The following ZNF701 variants were observed in gnomAD, a reference collection of about 807,000 sequenced individuals.
The protein encoded by ZNF701 is zinc finger protein 701.
In ZNF701, 6 loss-of-function variants were observed where a neutral mutation model predicts 7.1. The ratio of observed to expected loss-of-function variants is 0.84; its 90% CI spans 0.46 to 1.66. ZNF701 has a LOEUF of 1.66. Ranked by LOEUF, ZNF701 falls within the 40% of genes most tolerant of loss-of-function variation. The pLI is 0.01. For missense variants in ZNF701, 541 were observed against 559.2 expected, an observed-to-expected ratio of 0.97 and a Z score of 0.33; for synonymous variants, 166 against 188.2, an observed-to-expected ratio of 0.88 and a Z score of 0.97.
chr19:52,574,693 A>G (rs1275152674), intron 2 of ZNF701, among the ~76,000 whole-genome samples: 1 of 152,230 alleles, frequency 6.6e-6, no homozygotes, highest in Non-Finnish European at 1.5e-5. Flanking sequence ...ATAAACAGAC[A>G]TGAATGATAC....
At position 52,579,479 on chromosome 19, in the gene ZNF701, C is replaced by A. The variant is rs1048070596; in HGVS notation, c.143-2723C>A. Among the ~76,000 whole-genome samples the A allele has an allele frequency of 3.1e-5, 4 of 127,988 alleles. 1 individual carries two copies. The highest frequency in any genetic ancestry group is 1.5e-4 in the African/African-American group (4 of 26,046). 84.0% of individuals were successfully genotyped at this position (127,988 alleles called of 152,430 possible). On this transcript the variant is annotated intron_variant, in intron 3 of 3. Coordinates refer to ENST00000391785, the MANE Select transcript of ZNF701 (RefSeq NM_018260.3). The stretch of plus-strand genomic sequence containing the variant: ...GGGTTGCAGTGATCCGAGATTGTGC[C>A]ATTGCACTCCAGCCTGGGCAACGAG...
intron 3 of ZNF701, among the ~76,000 whole-genome samples, chr19:52,578,940 A>G (rs973646671): frequency 1.3e-5 from 2 of 150,334 alleles, no homozygotes; most frequent in African/African-American, 5.0e-5. Context: ...TTGTATTTTT[A>G]TTAGAGACAG....
At chr19:52,598,287 G>T in the ZNF701 span, among the ~76,000 whole-genome samples, 2 of 152,316 alleles carry the variant, frequency 1.3e-5, no homozygotes, top group East Asian at 3.9e-4. Flanking sequence ...ACAACATATT[G>T]TGTTGGGCCA....
chr19:52,596,847 A>T, the ZNF701 span: 2 of 547,474 alleles, frequency 3.7e-6, no homozygotes, highest in African/African-American at 3.8e-5. Context: ...CATAGACTTC[A>T]TACTGTCTAA....
intron 3 of ZNF701, among the ~76,000 whole-genome samples, chr19:52,580,223 G>A (rs773942599): frequency 2.7e-5 from 4 of 150,632 alleles, no homozygotes; most frequent in South Asian, 4.2e-4. Context: ...GATTACAGGC[G>A]TGAGCCACCG....
At chr19:52,573,620 C>G (rs1006328261) in intron 1 of ZNF701, among the ~76,000 whole-genome samples, 2 of 152,082 alleles carry the variant, frequency 1.3e-5, no homozygotes, top group Non-Finnish European at 2.9e-5. Flanking sequence ...CTGATCCTCC[C>G]CCTCAGCTTC....
At chr19:52,596,383 C>T in the ZNF701 span, 3 of 394,684 alleles carry the variant, frequency 7.6e-6, no homozygotes, top group Admixed American at 3.4e-5. Flanking sequence ...GTGAAGAATG[C>T]AACAAAGTTT....
chr19:52,599,712 G>A, the ZNF701 span, among the ~76,000 whole-genome samples: 2 of 152,114 alleles, frequency 1.3e-5, no homozygotes, highest in Admixed American at 6.5e-5. Flanking sequence ...ATGTTTCCAC[G>A]TGGCTATTTC....
In ZNF701 at chr19:52,582,549, G is replaced by A. The variant is rs770860181; in HGVS notation, c.490G>A (p.Val164Ile). ...CCCCGAAGGGAAAATTGGTAATCAA[G>A]TTGAGAAGGCTATCAACGATGCTTT... is the stretch of plus-strand genomic sequence containing the variant. ...FHPEGKIGNQ[V>I]EKAINDAFSV... Residue 164 changes from valine (V) to isoleucine (I), a missense_variant, in exon 4 of 4, where the codon GTT (valine) becomes ATT (isoleucine). Val to Ile is a conservative substitution (Grantham distance 29, BLOSUM62 3). Transcript: ENST00000391785. 6.2e-7 allele frequency: 1 copy of A among 1,614,170 alleles called. No homozygotes were observed. Among genetic ancestry groups the A allele is most frequent in the Non-Finnish European group, 8.5e-7 (1 of 1,180,024 alleles).
intron 2 of ZNF701, chr19:52,575,667 T>C (rs2059929743): frequency 2.7e-6 from 1 of 367,740 alleles, no homozygotes; most frequent in Non-Finnish European, 5.1e-6. Flanking sequence ...ACCCGGCTAA[T>C]TATTTATTTC....
At chr19:52,578,670 T>TTA (rs1450134476) in intron 3 of ZNF701, among the ~76,000 whole-genome samples, 1 of 152,270 alleles carries the variant, frequency 6.6e-6, no homozygotes, top group Non-Finnish European at 1.5e-5. Context: ...TGTTATTATT[T>TTA]TAAACAGTTT....
the ZNF701 span, chr19:52,595,548 G>A: frequency 1.6e-6 from 1 of 642,390 alleles, no homozygotes; most frequent in Non-Finnish European, 2.6e-6. Context: ...GGGACTACAG[G>A]TGTGAGCCAC....
At chr19:52,588,859 T>C (rs1217219017), downstream of ZNF701, among the ~76,000 whole-genome samples, 2 of 152,158 alleles carry the variant, frequency 1.3e-5, no homozygotes, top group Non-Finnish European at 2.9e-5. Flanking sequence ...TTCTCATGCC[T>C]CAGCCTCTCA....
Position 52,583,288 on chromosome 19 carries a change from A to T in ZNF701, c.1229A>T (p.Tyr410Phe), listed in dbSNP as rs1213107309. 6.2e-7 allele frequency: 1 copy of T among 1,613,934 alleles called. No homozygotes were observed. The highest frequency in any genetic ancestry group is 1.1e-5 in the South Asian group (1 of 91,074). The stretch of plus-strand genomic sequence containing the variant: ...GTCATTCATACTGGAGAGAAACGTT[A>T]CAAGTGTAATGAATGTGGCAAGGTT... ...HKVIHTGEKR[Y>F]KCNECGKVFN... The change falls in exon 4 of 4, where the codon TAC (tyrosine) becomes TTC (phenylalanine). Residue 410 changes from tyrosine to phenylalanine, a missense_variant. Physicochemically the swap from Tyr to Phe is conservative, Grantham distance 22 (BLOSUM62 3). Transcript: ENST00000391785.
At chr19:52,593,639 G>C in the ZNF701 span, among the ~76,000 whole-genome samples, 18 of 112,428 alleles carry the variant, frequency 1.6e-4, 7 homozygotes. Context: ...TCACTTCTCA[G>C]ACGGGGCGGC....
At chr19:52,573,965 A>G in intron 1 of ZNF701, 112 bp from the exon 2 acceptor site, 1 of 1,107,384 alleles carries the variant, frequency 9.0e-7, no homozygotes, top group Non-Finnish European at 1.3e-6. Context: ...TGCAGTGGGC[A>G]GCAGAGGTGA....
At chr19:52,574,434 G>T (rs2059920378) in intron 2 of ZNF701, among the ~76,000 whole-genome samples, 1 of 152,174 alleles carries the variant, frequency 6.6e-6, no homozygotes, top group African/African-American at 2.4e-5. Context: ...CGCAGTGTCA[G>T]TGCTGTTGGG....
At chr19:52,577,244 C>A (rs1050646738) in intron 3 of ZNF701, among the ~76,000 whole-genome samples, 1 of 152,016 alleles carries the variant, frequency 6.6e-6, no homozygotes, top group Non-Finnish European at 1.5e-5. Flanking sequence ...GGACTGTAGG[C>A]GCTCACCACC....
At chr19:52,590,956 C>A (rs545102637), downstream of ZNF701, among the ~76,000 whole-genome samples, 2 of 152,116 alleles carry the variant, frequency 1.3e-5, no homozygotes, top group Non-Finnish European at 2.9e-5. Context: ...TCTCCTGCCT[C>A]GCCCTGCTGA....
Sources: gnomAD v4.1 joint callset for allele counts (sites outside exome capture counted in the v4.1 genomes callset) on GRCh38, gnomAD v4.1.1 for gene constraint, MANE v1.5 for transcripts, NCBI Gene and HGNC (gene_info 2026-07-23, HGNC 2026-07-21) for gene names.